Variants in CCSER1 observed in about 807,000 individuals in gnomAD.
CCSER1 encodes the protein coiled-coil serine rich protein 1.
Under a neutral mutation model 82.0 loss-of-function variants are expected in CCSER1, and 41 were observed. That is an observed-to-expected ratio of 0.50 (90% CI 0.39 to 0.65). The LOEUF (loss-of-function observed/expected upper bound fraction) is 0.65, where lower values mean the gene tolerates loss of function less well. Ranked by LOEUF, CCSER1 falls within the 30% of genes least tolerant of loss-of-function variation. The pLI, the probability that CCSER1 is intolerant of heterozygous loss-of-function variation, is 0.00. For missense variants in CCSER1, 1,119 were observed against 1,064.2 expected, an observed-to-expected ratio of 1.05 and a Z score of -0.72; for synonymous variants, 414 against 383.9, an observed-to-expected ratio of 1.08 and a Z score of -0.92.
At chr4:90,995,253 G>C (rs1291515350) in intron 9 of CCSER1, among the ~76,000 whole-genome samples, 2 of 152,134 alleles carry the variant, frequency 1.3e-5, no homozygotes, top group African/African-American at 4.8e-5. Flanking sequence ...GGAATGAATG[G>C]TGTGTTAAGT....
chr4:90,309,788 A>C (rs184579919), intron 2 of CCSER1, among the ~76,000 whole-genome samples, 180 bp downstream of exon 2: 1 of 152,160 alleles, frequency 6.6e-6, no homozygotes, highest in Admixed American at 6.5e-5. Flanking sequence ...ACTTACATCA[A>C]TTGTGTTATG....
chr4:90,430,071 G>A (rs1371808834), intron 4 of CCSER1, among the ~76,000 whole-genome samples: 1 of 151,608 alleles, frequency 6.6e-6, no homozygotes, highest in African/African-American at 2.4e-5. Context: ...CTACTCTCCA[G>A]TGAAGTAAAT....
chr4:91,034,699 G>T (rs1256672849), intron 9 of CCSER1, among the ~76,000 whole-genome samples: 1 of 152,072 alleles, frequency 6.6e-6, no homozygotes, highest in Non-Finnish European at 1.5e-5. Flanking sequence ...TCTGTAAAAT[G>T]ATTAGTATCT....
intron 1 of CCSER1, among the ~76,000 whole-genome samples, chr4:90,279,460 T>C (rs1186316785): frequency 6.6e-6 from 1 of 152,036 alleles, no homozygotes; most frequent in Non-Finnish European, 1.5e-5. Flanking sequence ...GAGTAAGCAA[T>C]AGCAGACTTC....
intron 3 of CCSER1, among the ~76,000 whole-genome samples, chr4:90,399,714 A>G (rs1320905445): frequency 1.3e-5 from 2 of 152,076 alleles, no homozygotes; most frequent in African/African-American, 4.8e-5. Context: ...TCATATCAAG[A>G]AATCATTTCC....
intron 9 of CCSER1, among the ~76,000 whole-genome samples, chr4:91,075,699 G>T (rs1721921183): frequency 6.6e-6 from 1 of 152,082 alleles, no homozygotes; most frequent in Non-Finnish European, 1.5e-5. Flanking sequence ...GTATAAAAAT[G>T]CAAAGGATTT....
At chr4:91,548,768 C>G (rs1459178272) in intron 10 of CCSER1, among the ~76,000 whole-genome samples, 1 of 152,014 alleles carries the variant, frequency 6.6e-6, no homozygotes, top group Non-Finnish European at 1.5e-5. Context: ...CTCCCCCACA[C>G]CATCCCCCTG....
intron 3 of CCSER1, among the ~76,000 whole-genome samples, chr4:90,358,127 A>AT (rs1303487829): frequency 2.0e-5 from 3 of 152,096 alleles, no homozygotes; most frequent in Non-Finnish European, 4.4e-5. Flanking sequence ...ATAAAATGAT[A>AT]TTTTGACAAA....
At chr4:90,159,631 T>G (rs1301385833) in intron 1 of CCSER1, among the ~76,000 whole-genome samples, 1 of 152,226 alleles carries the variant, frequency 6.6e-6, no homozygotes, top group Non-Finnish European at 1.5e-5. Flanking sequence ...TTTTCAAAGC[T>G]TTTTATCTTG....
chr4:91,315,931 C>T (rs920826023), intron 10 of CCSER1, among the ~76,000 whole-genome samples: 1 of 151,908 alleles, frequency 6.6e-6, no homozygotes, highest in African/African-American at 2.4e-5. Flanking sequence ...AATTGTACCT[C>T]CCATAATCAC....
At chr4:91,440,620 A>C (rs1209790049) in intron 10 of CCSER1, among the ~76,000 whole-genome samples, 1 of 152,204 alleles carries the variant, frequency 6.6e-6, no homozygotes, top group Non-Finnish European at 1.5e-5. Flanking sequence ...AACTAAAATC[A>C]GAGCAGAACT....
At chr4:91,568,541 A>T (rs574985726) in intron 10 of CCSER1, among the ~76,000 whole-genome samples, 1 of 152,024 alleles carries the variant, frequency 6.6e-6, no homozygotes, top group African/African-American at 2.4e-5. Flanking sequence ...AGTTTTGTTC[A>T]TTCATTTTTA....
At chr4:90,821,570 C>T (rs1759725003) in intron 8 of CCSER1, among the ~76,000 whole-genome samples, 1 of 151,994 alleles carries the variant, frequency 6.6e-6, no homozygotes, top group African/African-American at 2.4e-5. Flanking sequence ...AGGGATTTTA[C>T]TAATTTAATT....
intron 4 of CCSER1, among the ~76,000 whole-genome samples, chr4:90,404,686 A>G (rs1225059334): frequency 2.0e-5 from 3 of 152,190 alleles, no homozygotes; most frequent in Admixed American, 6.5e-5. Context: ...ATCTCATCAC[A>G]GGACTCTGCA....
intron 4 of CCSER1, among the ~76,000 whole-genome samples, chr4:90,438,341 G>C (rs766862880): frequency 1.3e-5 from 2 of 151,848 alleles, no homozygotes; most frequent in Non-Finnish European, 2.9e-5. Flanking sequence ...TTATTTTAAG[G>C]GTCATCACAT....
intron 4 of CCSER1, among the ~76,000 whole-genome samples, chr4:90,461,140 A>G (rs1203193751): frequency 1.0e-5 from 1 of 98,524 alleles, no homozygotes; most frequent in East Asian, 2.4e-4. Flanking sequence ...ATCTCGGCTC[A>G]CTGCAAGCTC....
intron 8 of CCSER1, among the ~76,000 whole-genome samples, chr4:90,886,319 A>G (rs984429546): frequency 6.6e-6 from 1 of 152,138 alleles, no homozygotes; most frequent in South Asian, 2.1e-4. Context: ...TCTTTCAGGC[A>G]TCAGGTTCTG....
intron 6 of CCSER1, among the ~76,000 whole-genome samples, chr4:90,634,445 G>GT (rs927198265): frequency 6.0e-5 from 9 of 150,732 alleles, no homozygotes; most frequent in African/African-American, 9.7e-5. Context: ...AAAATTTTTG[G>GT]TTTTTTTTCA....
intron 5 of CCSER1, among the ~76,000 whole-genome samples, chr4:90,529,842 A>G (rs1774270251): frequency 6.6e-6 from 1 of 151,954 alleles, no homozygotes; most frequent in Admixed American, 6.6e-5. Context: ...TCTTTTAGGG[A>G]ACGTTGCTCT....
Sources: allele counts gnomAD v4.1 joint callset (sites outside exome capture counted in the v4.1 genomes callset), GRCh38; gene constraint gnomAD v4.1.1; transcripts MANE v1.5; gene names NCBI Gene and HGNC (gene_info 2026-07-23, HGNC 2026-07-21).